Variants in AKR1C8 observed in about 807,000 individuals in gnomAD.
AKR1C8 encodes the protein aldo-keto reductase family 1 member C8.
At chr10:5,170,091 C>G in the AKR1C8 span, among the ~76,000 whole-genome samples, 1 of 151,992 alleles carries the variant, frequency 6.6e-6, no homozygotes, top group Non-Finnish European at 1.5e-5. Context: ...TCTGGACACC[C>G]TTAGTTATTA....
the AKR1C8 span, among the ~76,000 whole-genome samples, chr10:5,161,463 C>A: frequency 7.0e-4 from 107 of 152,258 alleles, 1 homozygote; most frequent in African/African-American, 2.5e-3. Context: ...ATACGGGAGA[C>A]CCTCCCACTA....
the AKR1C8 span, among the ~76,000 whole-genome samples, chr10:5,177,673 T>G: frequency 6.6e-6 from 1 of 152,234 alleles, no homozygotes; most frequent in East Asian, 1.9e-4. Flanking sequence ...TATTGGTCTA[T>G]TCAGAGATTC....
the AKR1C8 span, among the ~76,000 whole-genome samples, chr10:5,172,698 T>C: frequency 6.6e-6 from 1 of 152,142 alleles, no homozygotes; most frequent in African/African-American, 2.4e-5. Context: ...TTAAGACATT[T>C]CTAATTTTAC....
the AKR1C8 span, among the ~76,000 whole-genome samples, chr10:5,179,155 C>T: frequency 6.6e-6 from 1 of 152,048 alleles, no homozygotes; most frequent in African/African-American, 2.4e-5. Context: ...CCTTCAGGAG[C>T]TCTTTTAGGG....
chr10:5,163,304 C>A, the AKR1C8 span, among the ~76,000 whole-genome samples: 1 of 152,198 alleles, frequency 6.6e-6, no homozygotes, highest in Non-Finnish European at 1.5e-5. Flanking sequence ...ATTAGACACA[C>A]CTTATACTTA....
At chr10:5,172,752 G>C in the AKR1C8 span, among the ~76,000 whole-genome samples, 8 of 152,160 alleles carry the variant, frequency 5.3e-5, no homozygotes, top group East Asian at 1.5e-3. Flanking sequence ...GAACTGAAAG[G>C]TTCCACAGCC....
the AKR1C8 span, among the ~76,000 whole-genome samples, chr10:5,161,083 A>G: frequency 3.3e-5 from 5 of 152,092 alleles, no homozygotes; most frequent in African/African-American, 1.2e-4. Flanking sequence ...ATGTGTGTAA[A>G]TGTGTTTGCA....
At chr10:5,145,417 A>G in the AKR1C8 span, among the ~76,000 whole-genome samples, 2 of 152,134 alleles carry the variant, frequency 1.3e-5, no homozygotes, top group East Asian at 3.9e-4. Flanking sequence ...GCAACCTACA[A>G]AATGGGAGAA....
chr10:5,160,611 C>G, the AKR1C8 span, among the ~76,000 whole-genome samples: 1 of 152,110 alleles, frequency 6.6e-6, no homozygotes, highest in Non-Finnish European at 1.5e-5. Flanking sequence ...TACTTAGAAC[C>G]TTAGAAGTTA....
chr10:5,159,956 G>A, the AKR1C8 span: 1 of 376,230 alleles, frequency 2.7e-6, no homozygotes, highest in Non-Finnish European at 5.8e-6. Context: ...ATTGAAATTG[G>A]ACACCCCAAT....
the AKR1C8 span, among the ~76,000 whole-genome samples, chr10:5,144,482 G>A: frequency 2.5e-4 from 38 of 151,566 alleles, no homozygotes; most frequent in African/African-American, 7.3e-4. Context: ...CCATTTTCAC[G>A]ATATTGATTC....
the AKR1C8 span, among the ~76,000 whole-genome samples, chr10:5,115,942 T>G: frequency 6.6e-6 from 1 of 152,190 alleles, no homozygotes; most frequent in Non-Finnish European, 1.5e-5. Flanking sequence ...GATGACTACC[T>G]TCTTCTACTA....
the AKR1C8 span, chr10:5,158,492 A>C: frequency 5.2e-6 from 2 of 387,182 alleles, no homozygotes; most frequent in Admixed American, 3.6e-5. Flanking sequence ...TTTCGCTTTT[A>C]ATCTTTGAGC....
At chr10:5,185,008 T>G in the AKR1C8 span, 130 of 534,652 alleles carry the variant, frequency 2.4e-4, no homozygotes, top group South Asian at 1.7e-3. Context: ...TGGGGTCCAC[T>G]TACATGATCA....
chr10:5,131,262 G>A, the AKR1C8 span, among the ~76,000 whole-genome samples: 4 of 151,858 alleles, frequency 2.6e-5, no homozygotes, highest in South Asian at 8.3e-4. Flanking sequence ...TCCTTACATT[G>A]GCCTCGACAA....
chr10:5,183,036 A>G, the AKR1C8 span, among the ~76,000 whole-genome samples: 3 of 152,180 alleles, frequency 2.0e-5, no homozygotes, highest in Non-Finnish European at 4.4e-5. Flanking sequence ...AATAAGAACT[A>G]GAGAGAAAAA....
At chr10:5,123,468 C>T in the AKR1C8 span, 2 of 463,436 alleles carry the variant, frequency 4.3e-6, no homozygotes, top group South Asian at 4.4e-5. Context: ...ATGCTGAAGC[C>T]CTGAGGCTGG....
the AKR1C8 span, among the ~76,000 whole-genome samples, chr10:5,134,731 C>T: frequency 6.6e-6 from 1 of 152,246 alleles, no homozygotes; most frequent in South Asian, 2.1e-4. Context: ...ACACTGTTAC[C>T]ACAAAGATTT....
the AKR1C8 span, among the ~76,000 whole-genome samples, chr10:5,140,126 T>G: frequency 1.1e-4 from 16 of 152,024 alleles, no homozygotes; most frequent in African/African-American, 3.6e-4. Flanking sequence ...AGAATGATGA[T>G]CATTAAAAAG....
Sources: gnomAD v4.1 joint callset for allele counts (sites outside exome capture counted in the v4.1 genomes callset) on GRCh38, gnomAD v4.1.1 for gene constraint, MANE v1.5 for transcripts, NCBI Gene and HGNC (gene_info 2026-07-23, HGNC 2026-07-21) for gene names.